The following NFIA variants were observed in gnomAD, a reference collection of about 807,000 sequenced individuals.
NFIA encodes nuclear factor I A.
Under a neutral mutation model 62.8 loss-of-function variants are expected in NFIA, and 8 were observed. The observed-to-expected ratio is 0.13, with a 90% CI of 0.07 to 0.23. The LOEUF (loss-of-function observed/expected upper bound fraction) is 0.23, where lower values mean the gene tolerates loss of function less well. Among genes scored for constraint, NFIA ranks in the 10% least tolerant of loss-of-function variants. NFIA has a pLI of 1.00. For missense variants in NFIA, 410 were observed against 642.1 expected, an observed-to-expected ratio of 0.64 and a Z score of 3.91; for synonymous variants, 235 against 238.1, an observed-to-expected ratio of 0.99 and a Z score of 0.12.
chr1:61,441,352 T>G (rs1018189333), intron 10 of NFIA, among the ~76,000 whole-genome samples: 1 of 151,702 alleles, frequency 6.6e-6, no homozygotes, highest in Non-Finnish European at 1.5e-5. Context: ...TCTGTCTGTC[T>G]GTGTAACCTG....
chr1:61,327,037 AT>A (rs200628929), intron 3 of NFIA, among the ~76,000 whole-genome samples: 145 of 148,338 alleles, frequency 9.8e-4, no homozygotes, highest in East Asian at 8.2e-3. Flanking sequence ...AGAAAAAAAA[AT>A]ATATATATAT....
intron 8 of NFIA, 106 bp from the exon 9 acceptor site, chr1:61,406,456 C>T (rs1665823665): frequency 1.1e-6 from 1 of 931,228 alleles, no homozygotes; most frequent in Non-Finnish European, 1.6e-6. Flanking sequence ...TAGTAATTTA[C>T]ATTAAAGGTG....
chr1:61,285,201 G>A (rs559988231), intron 3 of NFIA, among the ~76,000 whole-genome samples: 113 of 152,134 alleles, frequency 7.4e-4, no homozygotes, highest in Admixed American at 2.1e-3. Flanking sequence ...AGGACCCTTT[G>A]ACAGAGATAT....
At chr1:61,369,853 T>C (rs1043413064) in intron 6 of NFIA, among the ~76,000 whole-genome samples, 2 of 152,178 alleles carry the variant, frequency 1.3e-5, no homozygotes, top group Non-Finnish European at 2.9e-5. Flanking sequence ...ACTAATACTA[T>C]TGTTTGCAGA....
At chr1:61,176,018 T>C (rs1000892582) in intron 2 of NFIA, among the ~76,000 whole-genome samples, 4 of 152,140 alleles carry the variant, frequency 2.6e-5, no homozygotes, top group Non-Finnish European at 5.9e-5. Context: ...TGAGTGGGAA[T>C]TGAGAGGCAA....
chr1:61,244,372 AAGGCCTTAG>A (rs1196278938), intron 2 of NFIA, among the ~76,000 whole-genome samples: 2 of 152,176 alleles, frequency 1.3e-5, no homozygotes, highest in African/African-American at 4.8e-5. Context: ...TCCTTCTGCC[AAGGCCTTAG>A]ACACTGTCTG....
intron 6 of NFIA, among the ~76,000 whole-genome samples, chr1:61,373,470 C>T (rs1035564068): frequency 6.6e-6 from 1 of 152,096 alleles, no homozygotes; most frequent in Admixed American, 6.6e-5. Flanking sequence ...CCAAGGAACA[C>T]TGGAATTAAT....
chr1:61,120,494 A>G (rs567896268), intron 2 of NFIA, among the ~76,000 whole-genome samples: 1 of 152,156 alleles, frequency 6.6e-6, no homozygotes, highest in East Asian at 1.9e-4. Context: ...TCGTTTTGTT[A>G]TTCTAATGTC....
rs1656106338 is a variant in NFIA at position 61,252,462 on chromosome 1, AGT to A, written c.560-25056_560-25055del. 3.9e-5 allele frequency among the ~76,000 whole-genome samples: 6 copies of A among 152,362 alleles called. No homozygotes were observed. In the South Asian group the frequency reaches 1.2e-3, roughly 32 times the overall value. ...AGTTTTATTTCTATGAAACTAACCC[AGT>A]GCCTTGGAAAGAATCAGTAAAGGCA... On this transcript the variant is annotated intron_variant, in intron 2 of 10. Coordinates refer to ENST00000403491, the MANE Select transcript of NFIA (RefSeq NM_001134673.4).
Position 61,460,761 on chromosome 1 carries a change from G to C in NFIA, c.*5441G>C, listed in dbSNP as rs949963556. On this transcript the variant is annotated 3_prime_UTR_variant, in exon 11 of 11. Coordinates refer to ENST00000403491, the MANE Select transcript of NFIA (RefSeq NM_001134673.4). ...GGTAGCCTTCGCTGTCTGTCAGTCA[G>C]GACCTTCTGGTATAGGTGATGTAAA... 6.6e-6 allele frequency: 1 copy of C among 152,198 alleles called. No individual in the cohort carries two copies. Among genetic ancestry groups the C allele is most frequent in the Non-Finnish European group, 1.5e-5 (1 of 68,034 alleles). The allele number at this position is 152,198 out of a possible 1,614,324, so 9.4% of individuals were successfully genotyped here. A position where few individuals can be genotyped will look rare whatever the true frequency, so the allele number is the denominator to read the frequency against.
intron 2 of NFIA, among the ~76,000 whole-genome samples, chr1:61,188,105 T>C (rs1301454742): frequency 6.6e-6 from 1 of 152,104 alleles, no homozygotes; most frequent in Non-Finnish European, 1.5e-5. Context: ...TGGAGTGTAG[T>C]GGTGCGATCT....
intron 7 of NFIA, among the ~76,000 whole-genome samples, chr1:61,386,507 A>G (rs976588198): frequency 6.6e-6 from 1 of 152,188 alleles, no homozygotes; most frequent in African/African-American, 2.4e-5. Context: ...CCTAGCATTT[A>G]TCACGGGAAT....
At chr1:61,092,351 G>A (rs1646334317) in intron 2 of NFIA, among the ~76,000 whole-genome samples, 1 of 152,218 alleles carries the variant, frequency 6.6e-6, no homozygotes, top group Non-Finnish European at 1.5e-5. Context: ...AATGGCAGCA[G>A]TATGAGTACT....
chr1:61,346,547 T>G (rs1174892362), intron 4 of NFIA, among the ~76,000 whole-genome samples: 1 of 152,166 alleles, frequency 6.6e-6, no homozygotes, highest in Non-Finnish European at 1.5e-5. Context: ...AAGTGCACAA[T>G]TGGGAACAGG....
intron 3 of NFIA, among the ~76,000 whole-genome samples, chr1:61,305,692 C>G (rs557850792): frequency 2.6e-5 from 4 of 152,162 alleles, no homozygotes; most frequent in Non-Finnish European, 5.9e-5. Context: ...AGGGCTTGCC[C>G]TCTTGTTTAA....
intron 2 of NFIA, among the ~76,000 whole-genome samples, chr1:61,144,356 T>G (rs1478342030): frequency 1.3e-5 from 2 of 152,252 alleles, no homozygotes; most frequent in African/African-American, 4.8e-5. Context: ...TTTGTGTTCC[T>G]ATGGCAGATA....
chr1:61,146,288 T>A (rs1049081054), intron 2 of NFIA, among the ~76,000 whole-genome samples: 2 of 151,824 alleles, frequency 1.3e-5, no homozygotes, highest in African/African-American at 4.8e-5. Context: ...AGCTGCAGAG[T>A]CCCTTTTGTT....
chr1:61,240,003 C>T (rs1655247808), intron 2 of NFIA, among the ~76,000 whole-genome samples: 1 of 152,074 alleles, frequency 6.6e-6, no homozygotes, highest in Non-Finnish European at 1.5e-5. Context: ...TGGTTTACGT[C>T]ATATCTCTGC....
At chr1:61,367,556 G>A (rs1311107205) in intron 6 of NFIA, among the ~76,000 whole-genome samples, 2 of 152,246 alleles carry the variant, frequency 1.3e-5, no homozygotes, top group East Asian at 1.9e-4. Context: ...GGGGACATTG[G>A]TACAGTAACA....
Sources: allele counts gnomAD v4.1 joint callset (sites outside exome capture counted in the v4.1 genomes callset), GRCh38; gene constraint gnomAD v4.1.1; transcripts MANE v1.5; gene names NCBI Gene and HGNC (gene_info 2026-07-23, HGNC 2026-07-21).